The following HPSE2 variants were observed in gnomAD, a reference collection of about 807,000 sequenced individuals.
HPSE2 encodes the protein heparanase 2 (inactive).
A neutral mutation model predicts 60.5 loss-of-function variants in HPSE2; 38 were observed. The ratio of observed to expected loss-of-function variants is 0.63; its 90% CI spans 0.48 to 0.82. The LOEUF is 0.82. HPSE2 is among the 40% of genes least tolerant of loss of function. HPSE2 has a pLI of 0.00. For missense variants in HPSE2, 713 were observed against 740.4 expected, an observed-to-expected ratio of 0.96 and a Z score of 0.43; for synonymous variants, 295 against 293.2, an observed-to-expected ratio of 1.01 and a Z score of -0.06.
At chr10:98,566,979 A>G (rs1163176475) in intron 9 of HPSE2, among the ~76,000 whole-genome samples, 1 of 152,224 alleles carries the variant, frequency 6.6e-6, no homozygotes, top group African/African-American at 2.4e-5. Flanking sequence ...TGAGTTCTAC[A>G]TGGCTAACTG....
intron 6 of HPSE2, among the ~76,000 whole-genome samples, chr10:98,670,382 G>T (rs553472820): frequency 6.6e-6 from 1 of 152,202 alleles, no homozygotes; most frequent in Non-Finnish European, 1.5e-5. Context: ...GCTGATCCAG[G>T]TTTAGTATCC....
intron 6 of HPSE2, among the ~76,000 whole-genome samples, chr10:98,686,109 T>C (rs1004169528): frequency 6.6e-6 from 1 of 152,126 alleles, no homozygotes; most frequent in East Asian, 1.9e-4. Flanking sequence ...AACATTCTGG[T>C]TTTGTAAATT....
chr10:99,232,234 C>T (rs1423145956), intron 2 of HPSE2, 114 bp downstream of exon 2: 52 of 1,257,310 alleles, frequency 4.1e-5, no homozygotes, highest in Admixed American at 1.2e-4. Flanking sequence ...CACACACACA[C>T]ACACACACAC....
At chr10:98,834,912 T>A (rs1951759048) in intron 3 of HPSE2, among the ~76,000 whole-genome samples, 2 of 152,120 alleles carry the variant, frequency 1.3e-5, no homozygotes, top group Non-Finnish European at 2.9e-5. Context: ...ACTTATGATT[T>A]CAAAAATTTA....
chr10:98,935,903 C>T lies in HPSE2; in HGVS notation c.611-191847G>A, dbSNP rs144406535. Among the ~76,000 whole-genome samples, 288 of 145,046 alleles carry T rather than the reference C, an allele frequency of 2.0e-3. 59 individuals are homozygous for T. Among genetic ancestry groups the T allele is most frequent in the African/African-American group, 7.7e-3 (278 of 36,170 alleles). On this transcript the variant is annotated intron_variant, in intron 3 of 11. Transcript: ENST00000370552. ...ATCAGGTCTGCTGAACCTGGGACCA[C>T]AGCCACCCCTCCCACCAGGTGCTCT... is the stretch of plus-strand genomic sequence containing the variant.
intron 6 of HPSE2, among the ~76,000 whole-genome samples, chr10:98,683,467 C>T (rs527965034): frequency 6.6e-6 from 1 of 151,324 alleles, no homozygotes; most frequent in Non-Finnish European, 1.5e-5. Flanking sequence ...ATAAATAAAA[C>T]TAAAATTGAT....
chr10:98,982,412 A>G (rs370780452), intron 3 of HPSE2, among the ~76,000 whole-genome samples: 2 of 152,348 alleles, frequency 1.3e-5, no homozygotes. Flanking sequence ...TATAAACTCA[A>G]TAGGTTTTCT....
At chr10:99,045,660 C>A (rs1233266350) in intron 3 of HPSE2, among the ~76,000 whole-genome samples, 4 of 152,150 alleles carry the variant, frequency 2.6e-5, no homozygotes, top group Middle Eastern at 3.4e-3. Context: ...GACTTTACAA[C>A]TGATCCCATA....
intron 3 of HPSE2, among the ~76,000 whole-genome samples, chr10:98,964,698 C>T (rs538245585): frequency 1.3e-5 from 2 of 152,270 alleles, no homozygotes; most frequent in East Asian, 3.9e-4. Context: ...ATATTTGATA[C>T]CTCTTTTATA....
chr10:98,788,299 C>A (rs199566171), intron 3 of HPSE2, among the ~76,000 whole-genome samples: 1 of 58,628 alleles, frequency 1.7e-5, no homozygotes, highest in African/African-American at 4.7e-5. Context: ...GCAGTCTGCC[C>A]GTTCTCAGAC....
intron 3 of HPSE2, among the ~76,000 whole-genome samples, chr10:99,029,252 A>G (rs1442674758): frequency 6.6e-6 from 1 of 152,260 alleles, no homozygotes; most frequent in Non-Finnish European, 1.5e-5. Context: ...GATTATAACC[A>G]GAAGATATAA....
intron 3 of HPSE2, chr10:99,048,203 G>A: frequency 1.6e-6 from 1 of 628,360 alleles, no homozygotes; most frequent in Non-Finnish European, 2.9e-6. Context: ...CTGCACGGAG[G>A]ATCTGATTCA....
chr10:98,492,243 C>T (rs891152369), intron 9 of HPSE2, among the ~76,000 whole-genome samples: 1 of 152,134 alleles, frequency 6.6e-6, no homozygotes, highest in African/African-American at 2.4e-5. Flanking sequence ...TGGCTCACGC[C>T]TATAATCCCT....
At chr10:99,150,784 C>G (rs181320734) in intron 2 of HPSE2, among the ~76,000 whole-genome samples, 1 of 151,806 alleles carries the variant, frequency 6.6e-6, no homozygotes, top group Non-Finnish European at 1.5e-5. Context: ...GGGGAGGCTA[C>G]GCACAAACAT....
intron 3 of HPSE2, among the ~76,000 whole-genome samples, chr10:98,837,457 C>T (rs936318260): frequency 6.6e-6 from 1 of 152,180 alleles, no homozygotes; most frequent in African/African-American, 2.4e-5. Context: ...AATTTCACCC[C>T]TTGGAACTAT....
chr10:99,192,457 G>C (rs1422097625), intron 2 of HPSE2, among the ~76,000 whole-genome samples: 2 of 151,930 alleles, frequency 1.3e-5, no homozygotes, highest in Non-Finnish European at 2.9e-5. Flanking sequence ...TTTTTTTTTA[G>C]ACAGAGTCTC....
At chr10:98,818,740 G>A (rs1213606207) in intron 3 of HPSE2, among the ~76,000 whole-genome samples, 1 of 152,170 alleles carries the variant, frequency 6.6e-6, no homozygotes, top group Non-Finnish European at 1.5e-5. Context: ...TATTATAATA[G>A]ACATGAAATC....
At chr10:98,962,245 T>A (rs1955696505) in intron 3 of HPSE2, among the ~76,000 whole-genome samples, 1 of 109,436 alleles carries the variant, frequency 9.1e-6, no homozygotes, top group African/African-American at 3.7e-5. Context: ...TGGTTCCATA[T>A]GAACTTTAAA....
At chr10:98,996,511 C>T (rs1022020071) in intron 3 of HPSE2, among the ~76,000 whole-genome samples, 4 of 152,066 alleles carry the variant, frequency 2.6e-5, no homozygotes, top group Non-Finnish European at 4.4e-5. Flanking sequence ...ATGAGAAAAA[C>T]GAAAATCTAT....
Sources: gnomAD v4.1 joint callset for allele counts (sites outside exome capture counted in the v4.1 genomes callset) on GRCh38, gnomAD v4.1.1 for gene constraint, MANE v1.5 for transcripts, NCBI Gene and HGNC (gene_info 2026-07-23, HGNC 2026-07-21) for gene names.